The following FBF1 variants were observed in gnomAD, a reference collection of about 807,000 sequenced individuals.
The protein encoded by FBF1 is Fas binding factor 1, also known as fas-binding factor 1.
FBF1 carries 119 observed loss-of-function variants against 147.2 expected under a neutral mutation model. The observed-to-expected ratio is 0.81, with a 90% confidence interval of 0.70 to 0.94. The LOEUF is 0.94. FBF1 is among the 40% of genes least tolerant of loss of function. The pLI is 0.00. For synonymous variants in FBF1, 601 were observed against 609.0 expected, an observed-to-expected ratio of 0.99 and a Z score of 0.19; for missense variants, 1,449 against 1,500.8, an observed-to-expected ratio of 0.97 and a Z score of 0.57.
chr17:75,922,037 G>A lies in FBF1; in HGVS notation c.1434C>T (p.Leu478=). ...AGHPPSGSQP[L]TSTQGLEHAA... ...CGTGCTCAAGCCCTTGTGTGCTGGT[G>A]AGAGGTTGGCTGAGGAAAGGCAGCG... The change falls in exon 15 of 30, where the codon CTC becomes CTT. Residue 478 remains leucine, a synonymous_variant. Transcript: ENST00000636174. The surrounding 1 kb of genome is among the most constrained non-coding windows in gnomAD (Gnocchi z 5.0). 1 of 1,552,016 alleles carries A rather than the reference G, an allele frequency of 6.4e-7. No homozygotes were observed. Among genetic ancestry groups the A allele is most frequent in the African/African-American group, 1.4e-5 (1 of 73,160 alleles).
At chr17:75,933,178 T>A in intron 4 of FBF1, 90 bp from the exon 5 acceptor site, 1 of 1,017,986 alleles carries the variant, frequency 9.8e-7, no homozygotes, top group Non-Finnish European at 1.5e-6. Context: ...TCCCAAGCTG[T>A]CTCTGTATTA....
Position 75,919,706 on chromosome 17 carries a change from C to A in FBF1, c.2100G>T (p.Glu700Asp). Residue 700 changes from glutamate to aspartate, a missense_variant, in exon 20 of 30, where the codon GAG (glutamate) becomes GAT (aspartate). Coordinates refer to ENST00000636174, the MANE Select transcript of FBF1 (RefSeq NM_001319193.2). The surrounding 1 kb of genome is among the most constrained non-coding windows in gnomAD (Gnocchi z 5.0). ...HQRRLAAIAQ[E>D]KDQEMERLRE... The stretch of plus-strand genomic sequence containing the variant: ...GGAGCCGCTCCATTTCCTGGTCCTT[C>A]TCCTGCGCTATGGCCGCCAAGCGCC... The A allele has an allele frequency of 6.2e-7, 1 of 1,612,166 alleles. No individual in the cohort carries two copies. Among genetic ancestry groups the A allele is most frequent in the Non-Finnish European group, 8.5e-7 (1 of 1,179,542 alleles).
chr17:75,923,775 G>A lies in FBF1; in HGVS notation c.969-134C>T, dbSNP rs2065543969. ...TGAGGCCCAGTGAGCAGTGGCTCCTGGACCGGCTCAGGTGGCAGGCCACGT... is the reference window on the plus strand; with the variant it reads ...TGAGGCCCAGTGAGCAGTGGCTCCTAGACCGGCTCAGGTGGCAGGCCACGT... On this transcript the variant is annotated intron_variant, in intron 13 of 29. Coordinates refer to ENST00000636174, the MANE Select transcript of FBF1 (RefSeq NM_001319193.2). The surrounding 1 kb of genome is among the most constrained non-coding windows in gnomAD (Gnocchi z 4.1). 2 of 889,770 alleles carry A rather than the reference G, an allele frequency of 2.2e-6. No individual in the cohort carries two copies. The highest frequency in any genetic ancestry group is 3.3e-6 in the Non-Finnish European group (2 of 599,508). 55.1% of individuals were successfully genotyped at this position (889,770 alleles called of 1,614,324 possible). A position where few individuals can be genotyped will look rare whatever the true frequency, so the allele number is the denominator to read the frequency against.
At chr17:75,929,398 C>T (rs182070998) in intron 7 of FBF1, among the ~76,000 whole-genome samples, 28 of 152,188 alleles carry the variant, frequency 1.8e-4, no homozygotes, top group African/African-American at 5.5e-4. Flanking sequence ...TAACCAAAAA[C>T]GCGGCTTTGT....
chr17:75,927,952 T>A, intron 8 of FBF1, 124 bp downstream of exon 8: 1 of 740,346 alleles, frequency 1.4e-6, no homozygotes, highest in East Asian at 2.7e-5. Flanking sequence ...GGCCTCTCCA[T>A]CCTGTGCAGA....
At chr17:75,917,667 G>A in intron 23 of FBF1, 65 bp downstream of exon 23, 1 of 1,420,806 alleles carries the variant, frequency 7.0e-7, no homozygotes, top group South Asian at 1.3e-5. Flanking sequence ...CGCTACACTT[G>A]CGGGTGCCCT....
chr17:75,932,873 T>C (rs2065602449), intron 5 of FBF1, 122 bp downstream of exon 5: 1 of 625,600 alleles, frequency 1.6e-6, no homozygotes, highest in Non-Finnish European at 2.6e-6. Context: ...GCAACAAATA[T>C]TCTCTAAAAA....
In FBF1 at chr17:75,928,626, G is replaced by A. The variant is rs2065576315; in HGVS notation, c.280-433C>T. Among the ~76,000 whole-genome samples, 2 of 152,004 alleles carry A rather than the reference G, an allele frequency of 1.3e-5. No individual in the cohort carries two copies. Among genetic ancestry groups the A allele is most frequent in the South Asian group, 4.2e-4 (2 of 4,814 alleles). On this transcript the variant is annotated intron_variant, in intron 7 of 29. Transcript: ENST00000636174. The surrounding 1 kb of genome is among the most constrained non-coding windows in gnomAD (Gnocchi z 4.2). The stretch of plus-strand genomic sequence containing the variant: ...AAATCGAGACCATCCTGGCCAACAT[G>A]ATGAAACCCTGTCTCTACAAAAAAT...
Position 75,923,725 on chromosome 17 carries a change from T to C in FBF1, c.969-84A>G. 7.5e-7 allele frequency: 1 copy of C among 1,335,742 alleles called. No individual in the cohort carries two copies. Among genetic ancestry groups the C allele is most frequent in the Non-Finnish European group, 1.0e-6 (1 of 987,262 alleles). The allele number at this position is 1,335,742 out of a possible 1,614,324, so 82.7% of individuals were successfully genotyped here. On this transcript the variant is annotated intron_variant, in intron 13 of 29. Coordinates refer to ENST00000636174, the MANE Select transcript of FBF1 (RefSeq NM_001319193.2). The surrounding 1 kb of genome is among the most constrained non-coding windows in gnomAD (Gnocchi z 4.1). ...AGCAGCCTGCAGCTGGGCGTCACGATGCCCAGGGACCCTGCACAGTCAGCT... is the reference window on the plus strand; with the variant it reads ...AGCAGCCTGCAGCTGGGCGTCACGACGCCCAGGGACCCTGCACAGTCAGCT...
rs566017159 is a variant in FBF1, at chr17:75,917,780, G to C, written c.2457C>G (p.Ile819Met). The C allele has an allele frequency of 3.4e-5, 54 of 1,610,814 alleles. No homozygotes were observed. Among genetic ancestry groups the C allele is most frequent in the African/African-American group, 1.9e-4 (14 of 74,998 alleles). ...EEERSRQQEVIGKMEARLNEQ... is the reference protein window; with the variant it reads ...EEERSRQQEVMGKMEARLNEQ... ...CATTCAGCCGTGCCTCCATCTTCCC[G>C]ATGACCTCCTGTTGCCGGCTCCGCT... The change falls in exon 23 of 30, where the codon ATC (isoleucine) becomes ATG (methionine). Residue 819 changes from isoleucine to methionine, a missense_variant. Ile to Met is a conservative substitution (Grantham distance 10, BLOSUM62 1). Transcript: ENST00000636174.
chr17:75,923,449 C>A lies in FBF1; in HGVS notation c.1161G>T (p.Thr387=), dbSNP rs541743608. 2 of 1,608,894 alleles carry A rather than the reference C, an allele frequency of 1.2e-6. No individual in the cohort carries two copies. Among genetic ancestry groups the A allele is most frequent in the African/African-American group, 2.7e-5 (2 of 74,972 alleles). Residue 387 remains threonine (T), a synonymous_variant, in exon 14 of 30, where the codon ACG becomes ACT. Coordinates refer to ENST00000636174, the MANE Select transcript of FBF1 (RefSeq NM_001319193.2). The surrounding 1 kb of genome is among the most constrained non-coding windows in gnomAD (Gnocchi z 4.1). ...EAHRESSVPV[T]PSVPPPASQH... ...GGCTCGCAGGAGGAGGCACTGAGGG[C>A]GTGACAGGCACTGAACTTTCCCGAT...
intron 9 of FBF1, 108 bp from the exon 10 acceptor site, chr17:75,926,985 C>A: frequency 7.0e-7 from 1 of 1,434,442 alleles, no homozygotes; most frequent in Non-Finnish European, 9.4e-7. Flanking sequence ...TGCTCCAGTA[C>A]ATAAACAAGC....
At chr17:75,913,675 C>G in intron 28 of FBF1, 27 bp downstream of exon 28, 1 of 1,549,848 alleles carries the variant, frequency 6.5e-7, no homozygotes, top group African/African-American at 1.4e-5. Context: ...TCCTGAGCCG[C>G]CGGCCCTTCC....
At chr17:75,940,618 C>G (rs1369716505) in intron 1 of FBF1, 1 of 153,604 alleles carries the variant, frequency 6.5e-6, no homozygotes, top group African/African-American at 2.4e-5. Flanking sequence ...TCCCATAACA[C>G]ATCAAGGAAC....
intron 28 of FBF1, chr17:75,913,373 C>G (rs371615148): frequency 2.4e-5 from 5 of 211,554 alleles, no homozygotes; most frequent in East Asian, 2.1e-4. Flanking sequence ...GTCTTGAACT[C>G]CTGACCTCAG....
At position 75,925,278 on chromosome 17, in the gene FBF1, C is replaced by T; in HGVS notation, c.968+69G>A. ...GACTCTCGGGTGGGACAGGGGACAG[C>T]TGCAGGGGCCTGTCTTCCCAGTGGC... On this transcript the variant is annotated intron_variant, in intron 13 of 29. Coordinates refer to ENST00000636174, the MANE Select transcript of FBF1 (RefSeq NM_001319193.2). This position sits in a 1 kb window ranked among gnomAD's most constrained non-coding sequence, Gnocchi z 5.0. 3 of 1,243,856 alleles carry T rather than the reference C, an allele frequency of 2.4e-6. No individual in the cohort carries two copies. Among genetic ancestry groups the T allele is most frequent in the Non-Finnish European group, 3.4e-6 (3 of 876,402 alleles). 77.1% of individuals were successfully genotyped at this position (1,243,856 alleles called of 1,614,324 possible). A position where few individuals can be genotyped will look rare whatever the true frequency, so the allele number is the denominator to read the frequency against.
rs1294267187 is a variant in FBF1, at chr17:75,930,001, A to G, written c.275T>C (p.Met92Thr). The G allele has an allele frequency of 1.3e-6, 2 of 1,533,880 alleles. No homozygotes were observed. Among genetic ancestry groups the G allele is most frequent in the Non-Finnish European group, 8.7e-7 (1 of 1,149,836 alleles). Residue 92 changes from methionine to threonine, a missense_variant, in exon 7 of 30, where the codon ATG becomes ACG. Met to Thr is a moderately conservative substitution (Grantham distance 81). Coordinates refer to ENST00000636174, the MANE Select transcript of FBF1 (RefSeq NM_001319193.2). ...TCGTGCAAGCTGTTTCCTTACCTTCATGGCCTGGAGCAGAGCCTGTGGGTC... is the reference window on the plus strand; with the variant it reads ...TCGTGCAAGCTGTTTCCTTACCTTCGTGGCCTGGAGCAGAGCCTGTGGGTC... ...EADPQALLQAMKDLDGMDADI... is the reference protein window; with the variant it reads ...EADPQALLQATKDLDGMDADI...
chr17:75,934,748 G>A (rs1272180811), intron 4 of FBF1, among the ~76,000 whole-genome samples: 4 of 151,694 alleles, frequency 2.6e-5, no homozygotes, highest in Admixed American at 2.6e-4. Context: ...GCGTGGTGGC[G>A]AGCGCCTGTA....
In FBF1 at chr17:75,918,162, C is replaced by T. The variant is rs568136344; in HGVS notation, c.2246G>A (p.Arg749Gln). 9.3e-6 allele frequency: 15 copies of T among 1,613,268 alleles called. No homozygotes were observed. The highest frequency in any genetic ancestry group is 1.7e-5 in the Admixed American group (1 of 59,962). The stretch of plus-strand genomic sequence containing the variant: ...GGCATGGTTGGGGCAGCGCACATAC[C>T]GCGTGTGGGAGGTGGCACTGGTGGC... ...DAATSATSHTRSLNSIIHQME... is the reference protein window; with the variant it reads ...DAATSATSHTQSLNSIIHQME... Residue 749 changes from arginine to glutamine, a missense_variant and splice_region_variant, in exon 21 of 30, where the codon CGG becomes CAG. Coordinates refer to ENST00000636174, the MANE Select transcript of FBF1 (RefSeq NM_001319193.2). This position sits in a 1 kb window ranked among gnomAD's most constrained non-coding sequence, Gnocchi z 5.8.
Sources: gnomAD v4.1 joint callset for allele counts (sites outside exome capture counted in the v4.1 genomes callset) on GRCh38, gnomAD v4.1.1 for gene constraint, Gnocchi (gnomAD v3.1) non-coding constraint, MANE v1.5 for transcripts, NCBI Gene and HGNC (gene_info 2026-07-23, HGNC 2026-07-21) for gene names.